EPB41L2: variants seen among roughly 807,000 people sequenced by gnomAD.
The protein encoded by EPB41L2 is band 4.1-like protein 2.
In EPB41L2, 43 loss-of-function variants were observed where a neutral mutation model predicts 113.0. The observed-to-expected ratio is 0.38, with a 90% confidence interval of 0.30 to 0.49. The LOEUF (loss-of-function observed/expected upper bound fraction) is 0.49. EPB41L2 is among the 20% of genes least tolerant of loss of function. The pLI, the probability that EPB41L2 is intolerant of heterozygous loss-of-function variation, is 0.95. For missense variants in EPB41L2, 1,147 were observed against 1,223.4 expected (o/e 0.94, Z 0.93); for synonymous variants, 442 against 436.7 (o/e 1.01, Z -0.15).
At chr6:130,873,586 C>T (rs1179523457) in intron 14 of EPB41L2, among the ~76,000 whole-genome samples, 1 of 152,132 alleles carries the variant, frequency 6.6e-6, no homozygotes, top group African/African-American at 2.4e-5. Flanking sequence ...CTGCCTCAGC[C>T]TCCCCAGTAG....
At chr6:131,042,333 G>C (rs1289961254) in intron 1 of EPB41L2, among the ~76,000 whole-genome samples, 1 of 151,938 alleles carries the variant, frequency 6.6e-6, no homozygotes, top group Non-Finnish European at 1.5e-5. Context: ...ACAAAAGAAA[G>C]AAAAAGATGT....
chr6:131,059,714 C>T (rs559811002), intron 1 of EPB41L2, among the ~76,000 whole-genome samples: 4 of 152,308 alleles, frequency 2.6e-5, no homozygotes, highest in African/African-American at 9.6e-5. Context: ...CTGCTGACTC[C>T]TAACGGTTCA....
chr6:131,023,082 A>G (rs1028579059), intron 1 of EPB41L2, among the ~76,000 whole-genome samples: 3 of 152,228 alleles, frequency 2.0e-5, no homozygotes, highest in Admixed American at 6.5e-5. Context: ...TGAATATAGT[A>G]TGTCCTAAAA....
chr6:131,055,701 A>C (rs765745709), intron 1 of EPB41L2, among the ~76,000 whole-genome samples: 1 of 152,220 alleles, frequency 6.6e-6, no homozygotes, highest in African/African-American at 2.4e-5. Flanking sequence ...CCATTTATTC[A>C]ATTTTTAAGC....
At chr6:130,909,191 C>A (rs568861314) in intron 4 of EPB41L2, among the ~76,000 whole-genome samples, 2 of 152,116 alleles carry the variant, frequency 1.3e-5, no homozygotes, top group East Asian at 3.9e-4. Context: ...AACAAATAGC[C>A]CCTGCAGACA....
intron 12 of EPB41L2, 133 bp downstream of exon 12, chr6:130,884,963 G>T: frequency 9.7e-7 from 1 of 1,029,216 alleles, no homozygotes; most frequent in Non-Finnish European, 1.4e-6. Context: ...ATGCATATTT[G>T]AAAACATAAA....
intron 1 of EPB41L2, among the ~76,000 whole-genome samples, chr6:131,015,645 C>A (rs1399430252): frequency 6.6e-6 from 1 of 152,144 alleles, no homozygotes; most frequent in Non-Finnish European, 1.5e-5. Context: ...CAAAACTGGA[C>A]TCTTCTAAAA....
At chr6:130,984,916 T>C (rs1285978139) in intron 1 of EPB41L2, among the ~76,000 whole-genome samples, 1 of 152,152 alleles carries the variant, frequency 6.6e-6, no homozygotes, top group African/African-American at 2.4e-5. Flanking sequence ...TGAATTGCCA[T>C]TGGTAGGAAA....
chr6:131,007,156 A>G (rs1268692306), intron 1 of EPB41L2, among the ~76,000 whole-genome samples: 4 of 152,072 alleles, frequency 2.6e-5, no homozygotes, highest in Non-Finnish European at 5.9e-5. Flanking sequence ...CTCAGATCTC[A>G]CCTTGAATAG....
intron 4 of EPB41L2, among the ~76,000 whole-genome samples, chr6:130,914,241 T>C (rs751786408): frequency 3.3e-5 from 5 of 152,208 alleles, no homozygotes; most frequent in Non-Finnish European, 5.9e-5. Flanking sequence ...TCATCATTAG[T>C]AGATCACTAT....
At chr6:130,847,267 C>A (rs1777330158) in intron 19 of EPB41L2, among the ~76,000 whole-genome samples, 1 of 152,166 alleles carries the variant, frequency 6.6e-6, no homozygotes, top group Non-Finnish European at 1.5e-5. Flanking sequence ...TTCTGGAGAG[C>A]TTTGTCTTGT....
chr6:130,873,862 G>C (rs538145097), intron 14 of EPB41L2, among the ~76,000 whole-genome samples: 1 of 152,340 alleles, frequency 6.6e-6, no homozygotes, highest in Admixed American at 6.5e-5. Flanking sequence ...AGTGAGGTGA[G>C]GAGGGTGAGG....
chr6:130,988,432 T>A (rs1350060639), intron 1 of EPB41L2, among the ~76,000 whole-genome samples: 1 of 152,174 alleles, frequency 6.6e-6, no homozygotes, highest in African/African-American at 2.4e-5. Context: ...CCTGATCCTA[T>A]CATTTGCTAC....
At chr6:130,874,106 T>C (rs370600036) in intron 14 of EPB41L2, among the ~76,000 whole-genome samples, 3 of 152,134 alleles carry the variant, frequency 2.0e-5, no homozygotes, top group African/African-American at 7.2e-5. Context: ...CAGGAGAGAA[T>C]AGTCTATGCA....
intron 3 of EPB41L2, among the ~76,000 whole-genome samples, chr6:130,928,232 T>C (rs760686317): frequency 6.6e-6 from 1 of 152,210 alleles, no homozygotes; most frequent in Non-Finnish European, 1.5e-5. Context: ...TGTCTACATA[T>C]TAAAAGTATA....
intron 1 of EPB41L2, among the ~76,000 whole-genome samples, chr6:131,058,072 C>G (rs1338198606): frequency 6.6e-5 from 10 of 152,176 alleles, no homozygotes; most frequent in Admixed American, 6.5e-4. Context: ...AATCTATGTA[C>G]TTTTTGACTT....
At chr6:130,973,238 A>ATAT (rs1285206633) in intron 1 of EPB41L2, among the ~76,000 whole-genome samples, 3 of 151,338 alleles carry the variant, frequency 2.0e-5, no homozygotes, top group African/African-American at 7.3e-5. Context: ...CTCTGAAGAG[A>ATAT]TATTCATCTT....
At chr6:130,964,173 C>T (rs1774370470) in intron 1 of EPB41L2, among the ~76,000 whole-genome samples, 1 of 152,112 alleles carries the variant, frequency 6.6e-6, no homozygotes, top group African/African-American at 2.4e-5. Flanking sequence ...AGGTGCATGC[C>T]ACCATGCCCG....
chr6:130,842,490 T>G (rs1775820978), intron 19 of EPB41L2, among the ~76,000 whole-genome samples: 1 of 152,112 alleles, frequency 6.6e-6, no homozygotes, highest in Non-Finnish European at 1.5e-5. Context: ...GTTTAGTAAA[T>G]ATGCATCATT....
Sources: allele counts gnomAD v4.1 joint callset (sites outside exome capture counted in the v4.1 genomes callset), GRCh38; gene constraint gnomAD v4.1.1; transcripts MANE v1.5; gene names NCBI Gene and HGNC (gene_info 2026-07-23, HGNC 2026-07-21).